The following PDE4B variants were observed in gnomAD, a reference collection of about 807,000 sequenced individuals.
PDE4B encodes phosphodiesterase 4B.
PDE4B carries 20 observed loss-of-function variants against 82.2 expected under a neutral mutation model. The ratio of observed to expected loss-of-function variants is 0.24; its 90% CI spans 0.17 to 0.35. The LOEUF (loss-of-function observed/expected upper bound fraction) is 0.35, where lower values mean the gene tolerates loss of function less well. Among genes scored for constraint, PDE4B ranks in the 10% least tolerant of loss-of-function variants. PDE4B has a pLI of 1.00. For synonymous variants in PDE4B, 320 were observed against 318.9 expected, an observed-to-expected ratio of 1.00 and a Z score of -0.04; for missense variants, 655 against 907.2, an observed-to-expected ratio of 0.72 and a Z score of 3.57.
intron 3 of PDE4B, among the ~76,000 whole-genome samples, chr1:65,933,477 G>C (rs1647951987): frequency 6.6e-6 from 1 of 152,144 alleles, no homozygotes; most frequent in Non-Finnish European, 1.5e-5. Flanking sequence ...CGGATCACTT[G>C]AGGTCAGGAG....
chr1:66,179,527 A>G (rs917913866), intron 3 of PDE4B, among the ~76,000 whole-genome samples: 9 of 152,184 alleles, frequency 5.9e-5, no homozygotes, highest in East Asian at 1.9e-4. Flanking sequence ...AAAAAAGTAT[A>G]TCATAATAAA....
chr1:66,112,797 C>T (rs999144519), intron 3 of PDE4B: 8 of 152,176 alleles, frequency 5.3e-5, no homozygotes, highest in African/African-American at 1.4e-4. Flanking sequence ...GTCCATCCAT[C>T]AGCAAATCAT....
intron 1 of PDE4B, among the ~76,000 whole-genome samples, chr1:65,818,704 A>ATATATATATATATATATAT (rs1553187330): frequency 6.7e-6 from 1 of 148,868 alleles, no homozygotes; most frequent in East Asian, 1.9e-4. Context: ...ATATATATAT[A>ATATATATATATATATATAT]AAATAACAAA....
chr1:66,006,164 GT>G (rs1295224293), intron 3 of PDE4B, among the ~76,000 whole-genome samples: 1 of 152,156 alleles, frequency 6.6e-6, no homozygotes, highest in Non-Finnish European at 1.5e-5. Flanking sequence ...CAAGTACTTA[GT>G]TATCTGAAAG....
At chr1:66,143,371 G>A (rs113082281) in intron 3 of PDE4B, among the ~76,000 whole-genome samples, 2 of 152,154 alleles carry the variant, frequency 1.3e-5, no homozygotes, top group African/African-American at 2.4e-5. Context: ...AAATGGAAAC[G>A]TGGGAATGGT....
At chr1:65,812,160 G>A (rs115350425) in intron 1 of PDE4B, among the ~76,000 whole-genome samples, 1,558 of 152,272 alleles carry the variant, frequency 0.01, 12 homozygotes, top group Non-Finnish European at 0.015. Flanking sequence ...TCAGCCCTCA[G>A]CCTTCTGCTG....
intron 3 of PDE4B, among the ~76,000 whole-genome samples, chr1:66,055,014 G>A (rs1012793017): frequency 4.6e-5 from 7 of 152,162 alleles, no homozygotes; most frequent in East Asian, 3.8e-4. Context: ...GTCAAACTGC[G>A]TTTTAAAGAG....
chr1:66,345,698 G>A (rs1661341580), intron 8 of PDE4B, among the ~76,000 whole-genome samples: 1 of 152,140 alleles, frequency 6.6e-6, no homozygotes, highest in Non-Finnish European at 1.5e-5. Flanking sequence ...TTAGAACCCT[G>A]GAATCCTGTT....
intron 3 of PDE4B, among the ~76,000 whole-genome samples, chr1:66,231,763 T>C (rs772062851): frequency 6.6e-6 from 1 of 152,202 alleles, no homozygotes; most frequent in African/African-American, 2.4e-5. Flanking sequence ...GGTTAAAAAG[T>C]AAAGACTTCT....
chr1:66,235,305 A>C (rs892547262), intron 3 of PDE4B, among the ~76,000 whole-genome samples: 7 of 152,172 alleles, frequency 4.6e-5, no homozygotes, highest in Non-Finnish European at 1.0e-4. Context: ...TCAATTATTG[A>C]GGCTATAATT....
At chr1:66,138,995 A>G (rs930713984) in intron 3 of PDE4B, among the ~76,000 whole-genome samples, 4 of 152,206 alleles carry the variant, frequency 2.6e-5, no homozygotes, top group Admixed American at 1.3e-4. Flanking sequence ...TCCCTACTTT[A>G]TCAACATATC....
intron 1 of PDE4B, among the ~76,000 whole-genome samples, chr1:65,860,023 ACTCT>A (rs776002773): frequency 1.2e-4 from 18 of 150,726 alleles, no homozygotes; most frequent in South Asian, 8.4e-4. Context: ...ATGAATTAAA[ACTCT>A]CTCTCTGTTT....
chr1:66,075,833 T>A (rs534092096), intron 3 of PDE4B, among the ~76,000 whole-genome samples: 19 of 151,980 alleles, frequency 1.3e-4, no homozygotes, highest in Non-Finnish European at 2.4e-4. Flanking sequence ...AAACTGAATA[T>A]CTAAATTTTT....
At chr1:66,274,064 A>G (rs1185588790) in intron 7 of PDE4B, among the ~76,000 whole-genome samples, 2 of 152,224 alleles carry the variant, frequency 1.3e-5, no homozygotes, top group Non-Finnish European at 2.9e-5. Context: ...CAAAGTAGGC[A>G]CTCAAGTAGC....
In PDE4B at chr1:66,312,343, G is replaced by A. The variant is rs370704462; in HGVS notation, c.635-20165G>A. On this transcript the variant is annotated intron_variant, in intron 7 of 16. Coordinates refer to ENST00000341517, the MANE Select transcript of PDE4B (RefSeq NM_002600.4). ...CAAACCAAGGTTTTGGCAAGGCTGC[G>A]TTTCTTTCTAGAGACTCTAAGGGAA... 3.7e-4 allele frequency among the ~76,000 whole-genome samples: 56 copies of A among 151,646 alleles called. 1 individual carries two copies. The highest frequency in any genetic ancestry group is 1.3e-3 in the African/African-American group (54 of 40,934).
rs980973839 is a variant in PDE4B at position 65,959,202 on chromosome 1, GA to G, written c.281+40371del. ...ATGACATTCATTGAAATTTAGTTTTGAAAACAATACTCTCTGATTAGCATTT... is the reference window on the plus strand; with the variant it reads ...ATGACATTCATTGAAATTTAGTTTTGAAACAATACTCTCTGATTAGCATTT... On this transcript the variant is annotated intron_variant, in intron 3 of 16. Transcript: ENST00000341517. Among the ~76,000 whole-genome samples, 4 of 152,184 alleles carry G rather than the reference GA, an allele frequency of 2.6e-5. No homozygotes were observed. In the East Asian group the frequency reaches 7.7e-4, roughly 29 times the overall value.
intron 7 of PDE4B, among the ~76,000 whole-genome samples, chr1:66,307,938 G>T (rs1266394359): frequency 2.6e-5 from 4 of 152,118 alleles, no homozygotes; most frequent in African/African-American, 7.2e-5. Context: ...GTGCTTTTGT[G>T]CCAGGCTTTA....
chr1:65,868,160 C>G (rs1201433775), intron 1 of PDE4B, among the ~76,000 whole-genome samples: 1 of 152,190 alleles, frequency 6.6e-6, no homozygotes, highest in Non-Finnish European at 1.5e-5. Flanking sequence ...CCAGATGGCT[C>G]CCTATGCTCT....
rs1363820801 is a variant in PDE4B, at chr1:66,228,876, A to C, written c.282-18584A>C. Among the ~76,000 whole-genome samples the C allele has an allele frequency of 6.3e-5, 9 of 141,752 alleles. No individual in the cohort carries two copies. In the East Asian group the frequency reaches 2.5e-3, roughly 40 times the overall value. 93.0% of individuals were successfully genotyped at this position (141,752 alleles called of 152,430 possible). A position where few individuals can be genotyped will look rare whatever the true frequency, so the allele number is the denominator to read the frequency against. ...GGAAAGGGTAAAAAGCAAAAGATAA[A>C]GAGTTCTCCTATGTTGTAAAGTCTG... On this transcript the variant is annotated intron_variant, in intron 3 of 16. Transcript: ENST00000341517.
Sources: allele counts gnomAD v4.1 joint callset (sites outside exome capture counted in the v4.1 genomes callset), GRCh38; gene constraint gnomAD v4.1.1; transcripts MANE v1.5; gene names NCBI Gene and HGNC (gene_info 2026-07-23, HGNC 2026-07-21).